Variants in TMEM132B observed in about 807,000 individuals in gnomAD.
TMEM132B encodes the protein transmembrane protein 132B.
Under a neutral mutation model 90.8 loss-of-function variants are expected in TMEM132B, and 18 were observed. The observed-to-expected ratio is 0.20, with a 90% CI of 0.14 to 0.29. The LOEUF (loss-of-function observed/expected upper bound fraction) is 0.29, where lower values mean the gene tolerates loss of function less well. Ranked by LOEUF, TMEM132B falls within the 10% of genes least tolerant of loss-of-function variation. TMEM132B has a pLI of 1.00. For missense variants in TMEM132B, 1,096 were observed against 1,326.8 expected (o/e 0.83, Z 2.70); for synonymous variants, 504 against 523.3 (o/e 0.96, Z 0.50).
At chr12:125,237,060 G>T (rs1873953200) in intron 1 of TMEM132B, among the ~76,000 whole-genome samples, 1 of 152,242 alleles carries the variant, frequency 6.6e-6, no homozygotes, top group Non-Finnish European at 1.5e-5. Context: ...AAGGAGCTGG[G>T]ATATTGATCC....
chr12:125,220,197 C>T (rs1392130166), intron 1 of TMEM132B, among the ~76,000 whole-genome samples: 2 of 152,216 alleles, frequency 1.3e-5, no homozygotes, highest in East Asian at 3.8e-4. Context: ...ATTGCATGCA[C>T]TGTTTTGTAG....
At chr12:125,373,880 C>T (rs142472601) in intron 2 of TMEM132B, among the ~76,000 whole-genome samples, 144 of 152,308 alleles carry the variant, frequency 9.5e-4, no homozygotes, top group African/African-American at 3.1e-3. Context: ...CTGCAACCTC[C>T]GCCTCCTGGG....
chr12:125,517,572 A>G (rs939347637), intron 3 of TMEM132B, among the ~76,000 whole-genome samples: 6 of 152,030 alleles, frequency 3.9e-5, no homozygotes, highest in Non-Finnish European at 7.4e-5. Context: ...TGTGCAGCTT[A>G]GGGTCAGCTG....
At chr12:125,592,131 G>T (rs1260832019) in intron 5 of TMEM132B, among the ~76,000 whole-genome samples, 4 of 152,138 alleles carry the variant, frequency 2.6e-5, no homozygotes, top group African/African-American at 7.2e-5. Flanking sequence ...TTTGGAAAAA[G>T]AAAGAAAAGG....
intron 2 of TMEM132B, among the ~76,000 whole-genome samples, chr12:125,371,234 A>G (rs1049270372): frequency 6.6e-6 from 1 of 152,166 alleles, no homozygotes; most frequent in African/African-American, 2.4e-5. Flanking sequence ...GACCACCCAC[A>G]TTGAGGGTGG....
intron 3 of TMEM132B, among the ~76,000 whole-genome samples, chr12:125,449,190 A>AT (rs1186666024): frequency 1.3e-5 from 2 of 152,128 alleles, no homozygotes; most frequent in Middle Eastern, 3.4e-3. Context: ...GATGGTCTTG[A>AT]TCCCCTGACC....
At chr12:125,207,636 C>T (rs901583773) in intron 1 of TMEM132B, among the ~76,000 whole-genome samples, 27 of 152,176 alleles carry the variant, frequency 1.8e-4, no homozygotes, top group Admixed American at 1.3e-3. Flanking sequence ...TCTGTGGCAT[C>T]GAGCACATTC....
chr12:125,271,161 GACTC>G (rs570432376), intron 1 of TMEM132B, among the ~76,000 whole-genome samples: 44 of 152,196 alleles, frequency 2.9e-4, no homozygotes, highest in African/African-American at 1.0e-3. Flanking sequence ...TAGAGAAGGA[GACTC>G]ACTATGTCGC....
intron 3 of TMEM132B, among the ~76,000 whole-genome samples, chr12:125,456,229 C>T (rs182574858): frequency 6.6e-6 from 1 of 152,186 alleles, no homozygotes; most frequent in Admixed American, 6.5e-5. Flanking sequence ...CACCCCCGAG[C>T]CTATTTGACT....
intron 1 of TMEM132B, among the ~76,000 whole-genome samples, chr12:125,271,662 C>T (rs1874840118): frequency 6.6e-6 from 1 of 152,126 alleles, no homozygotes; most frequent in African/African-American, 2.4e-5. Flanking sequence ...ATGTGCACAG[C>T]TGGCATGTGC....
intron 2 of TMEM132B, among the ~76,000 whole-genome samples, chr12:125,403,303 C>T (rs1019051532): frequency 6.6e-6 from 1 of 152,202 alleles, no homozygotes; most frequent in African/African-American, 2.4e-5. Context: ...CCTCAGGCCA[C>T]ATCCTTTGGA....
chr12:125,385,615 T>A (rs554435397), intron 2 of TMEM132B, among the ~76,000 whole-genome samples: 1 of 152,352 alleles, frequency 6.6e-6, no homozygotes, highest in South Asian at 2.1e-4. Flanking sequence ...GGCTTTAATT[T>A]CCCAAGGAAA....
chr12:125,290,248 C>G (rs11058129), intron 1 of TMEM132B, among the ~76,000 whole-genome samples: 20,774 of 152,186 alleles, frequency 0.14, 1,593 homozygotes, highest in African/African-American at 0.2. Context: ...TAGAGCTTCA[C>G]TTTCAACTTT....
chr12:125,249,103 A>T (rs1007669561), intron 1 of TMEM132B, among the ~76,000 whole-genome samples: 3 of 152,148 alleles, frequency 2.0e-5, no homozygotes, highest in African/African-American at 7.2e-5. Context: ...GATCGGTAAG[A>T]CTTGTGCTAA....
intron 1 of TMEM132B, among the ~76,000 whole-genome samples, chr12:125,260,894 C>T (rs186121794): frequency 9.3e-4 from 140 of 150,522 alleles, no homozygotes; most frequent in African/African-American, 3.4e-3. Flanking sequence ...GCAGCCTGGG[C>T]GTCAGAGCGA....
At chr12:125,612,574 A>T (rs1032067592) in intron 5 of TMEM132B, among the ~76,000 whole-genome samples, 2 of 145,136 alleles carry the variant, frequency 1.4e-5, no homozygotes, top group Non-Finnish European at 3.0e-5. Context: ...TAATATATAT[A>T]AAATATATAT....
At chr12:125,220,486 T>C (rs375817327) in intron 1 of TMEM132B, among the ~76,000 whole-genome samples, 2 of 152,384 alleles carry the variant, frequency 1.3e-5, no homozygotes, top group East Asian at 3.9e-4. Flanking sequence ...AATGCTTGTG[T>C]ATTCTGTATT....
chr12:125,336,399 A>G (rs1438435135), intron 1 of TMEM132B, among the ~76,000 whole-genome samples: 3 of 152,184 alleles, frequency 2.0e-5, no homozygotes, highest in Non-Finnish European at 2.9e-5. Flanking sequence ...CTCAAATGAC[A>G]TTTGTGAAGA....
intron 3 of TMEM132B, among the ~76,000 whole-genome samples, chr12:125,439,498 T>C (rs1241402055): frequency 6.6e-6 from 1 of 152,206 alleles, no homozygotes; most frequent in Non-Finnish European, 1.5e-5. Flanking sequence ...GGAATTCTTG[T>C]GATTTTTGCA....
Sources: gnomAD v4.1 joint callset for allele counts (sites outside exome capture counted in the v4.1 genomes callset) on GRCh38, gnomAD v4.1.1 for gene constraint, MANE v1.5 for transcripts, NCBI Gene and HGNC (gene_info 2026-07-23, HGNC 2026-07-21) for gene names.